Variants in SKP2 observed in about 807,000 individuals in gnomAD.
SKP2 encodes S-phase kinase associated protein 2.
Under a neutral mutation model 51.8 loss-of-function variants are expected in SKP2, and 16 were observed. The ratio of observed to expected loss-of-function variants is 0.31; its 90% CI spans 0.21 to 0.47. The LOEUF is 0.47. Among genes scored for constraint, SKP2 ranks in the 20% least tolerant of loss-of-function variants. The probability of loss-of-function intolerance (pLI) is 1.00; values close to 1 mark genes in which losing one functional copy is unlikely to be tolerated. For synonymous variants in SKP2, 176 were observed against 198.6 expected (o/e 0.89, Z 0.96); for missense variants, 377 against 505.3 (o/e 0.75, Z 2.43).
intron 7 of SKP2, among the ~76,000 whole-genome samples, chr5:36,173,731 G>A (rs1745546604): frequency 6.6e-6 from 1 of 152,164 alleles, no homozygotes; most frequent in Non-Finnish European, 1.5e-5. Flanking sequence ...TCAGGACAGA[G>A]AGACAGACTG....
At chr5:36,175,994 A>C (rs1745621212) in intron 7 of SKP2, among the ~76,000 whole-genome samples, 2 of 152,058 alleles carry the variant, frequency 1.3e-5, no homozygotes, top group African/African-American at 4.8e-5. Flanking sequence ...AGCAGGAATC[A>C]GTTCACTATC....
At chr5:36,157,022 A>T (rs534101518) in intron 2 of SKP2, among the ~76,000 whole-genome samples, 8 of 152,192 alleles carry the variant, frequency 5.3e-5, no homozygotes, top group Admixed American at 1.3e-4. Context: ...CCTTACTAAG[A>T]TATTTTCTAT....
downstream of SKP2, among the ~76,000 whole-genome samples, chr5:36,188,385 G>C (rs1457823715): frequency 6.6e-6 from 1 of 152,228 alleles, no homozygotes; most frequent in South Asian, 2.1e-4. Context: ...TCCTTTCCAT[G>C]TTTAGTGCTT....
intron 5 of SKP2, among the ~76,000 whole-genome samples, chr5:36,169,696 T>C (rs1255894654): frequency 6.6e-6 from 1 of 152,200 alleles, no homozygotes; most frequent in Non-Finnish European, 1.5e-5. Flanking sequence ...AGATAGTGAA[T>C]TTTGTAAATG....
At chr5:36,158,567 A>C (rs1745025216) in intron 2 of SKP2, among the ~76,000 whole-genome samples, 1 of 152,172 alleles carries the variant, frequency 6.6e-6, no homozygotes. Flanking sequence ...TGGTGAACCC[A>C]TTGATAGCAT....
chr5:36,171,857 C>CT lies in SKP2; in HGVS notation c.901+129dup. On this transcript the variant is annotated intron_variant, in intron 7 of 9. Coordinates refer to ENST00000274255, the MANE Select transcript of SKP2 (RefSeq NM_005983.4). ...TTAATCCAGTGCATGTGTTAGTCCC[C>CT]TTTTTCAGATGAGGTAGCTGCTAAT... The CT allele has an allele frequency of 3.3e-6, 3 of 904,404 alleles. No homozygotes were observed. In the South Asian group the frequency reaches 5.4e-5, roughly 16 times the overall value. 56.0% of individuals were successfully genotyped at this position (904,404 alleles called of 1,614,324 possible).
At chr5:36,171,545 G>C in intron 6 of SKP2, 58 bp from the exon 7 acceptor site, 1 of 1,534,520 alleles carries the variant, frequency 6.5e-7, no homozygotes, top group Non-Finnish European at 9.0e-7. Flanking sequence ...GCAGTTTGAG[G>C]CAAACTCATT....
Position 36,183,676 on chromosome 5 carries a change from T to G in SKP2, c.*1645T>G. ...ACACCAGTCATTTATATTAACTTTT[T>G]TTTTTTAAATCAAAAATTGTTAATG... On this transcript the variant is annotated 3_prime_UTR_variant, in exon 10 of 10. Coordinates refer to ENST00000274255, the MANE Select transcript of SKP2 (RefSeq NM_005983.4). 1 of 1,247,560 alleles carries G rather than the reference T, an allele frequency of 8.0e-7. No homozygotes were observed. Among genetic ancestry groups the G allele is most frequent in the Non-Finnish European group, 1.0e-6 (1 of 990,032 alleles). The allele number at this position is 1,247,560 out of a possible 1,614,324, so 77.3% of individuals were successfully genotyped here.
At chr5:36,163,887 A>AT (rs1745204394) in intron 3 of SKP2, 131 bp downstream of exon 3, 1 of 623,570 alleles carries the variant, frequency 1.6e-6, no homozygotes, top group African/African-American at 1.8e-5. Flanking sequence ...GTATCTTCAT[A>AT]TTTTTATTAA....
Position 36,183,676 on chromosome 5 carries a change from T to A in SKP2, c.*1645T>A, listed in dbSNP as rs1221777904. The A allele has an allele frequency of 8.0e-7, 1 of 1,247,442 alleles. No individual in the cohort carries two copies. Among genetic ancestry groups the A allele is most frequent in the Non-Finnish European group, 1.0e-6 (1 of 990,040 alleles). 77.3% of individuals were successfully genotyped at this position (1,247,442 alleles called of 1,614,324 possible). On this transcript the variant is annotated 3_prime_UTR_variant, in exon 10 of 10. Transcript: ENST00000274255. ...ACACCAGTCATTTATATTAACTTTTTTTTTTTAAATCAAAAATTGTTAATG... is the reference window on the plus strand; with the variant it reads ...ACACCAGTCATTTATATTAACTTTTATTTTTTAAATCAAAAATTGTTAATG...
At chr5:36,164,068 A>G (rs555492380) in intron 3 of SKP2, among the ~76,000 whole-genome samples, 2 of 152,182 alleles carry the variant, frequency 1.3e-5, no homozygotes, top group African/African-American at 2.4e-5. Context: ...GCATGCAGAC[A>G]GCGGTTCCTC....
At position 36,166,532 on chromosome 5, in the gene SKP2, C is replaced by T; in HGVS notation, c.406C>T (p.Leu136=). 1.2e-6 allele frequency: 2 copies of T among 1,614,076 alleles called. No homozygotes were observed. Among genetic ancestry groups the T allele is most frequent in the Non-Finnish European group, 1.7e-6 (2 of 1,179,984 alleles). ...CCTCTTTTATAGGTCTGATGAGTCTCTATGGCAGACCTTAGACCTCACAGG... is the reference window on the plus strand; with the variant it reads ...CCTCTTTTATAGGTCTGATGAGTCTTTATGGCAGACCTTAGACCTCACAGG... ...RWYRLASDES[L]WQTLDLTGKN... Residue 136 remains leucine, a synonymous_variant, in exon 4 of 10, where the codon CTA becomes TTA. Coordinates refer to ENST00000274255, the MANE Select transcript of SKP2 (RefSeq NM_005983.4).
At chr5:36,186,528 G>T (rs531448866), downstream of SKP2, among the ~76,000 whole-genome samples, 1,308 of 152,248 alleles carry the variant, frequency 8.6e-3, 25 homozygotes, top group African/African-American at 0.03. Flanking sequence ...TGTTGGTTCT[G>T]TTTATATGCT....
At chr5:36,192,019 T>C (rs1561048826) in intron 6 of SKP2, among the ~76,000 whole-genome samples, 1 of 152,202 alleles carries the variant, frequency 6.6e-6, no homozygotes, top group Non-Finnish European at 1.5e-5. Context: ...AATTGTAATT[T>C]TGAGCATTAA....
chr5:36,182,995 A>ATT lies in SKP2; in HGVS notation c.*973_*974dup. ...TCTGGAATCAAGTATTTTAAATTGT[A>ATT]TTTTTTTTTTAAATGATCTCTCAGC... On this transcript the variant is annotated 3_prime_UTR_variant, in exon 10 of 10. Transcript: ENST00000274255. 1 of 919,950 alleles carries ATT rather than the reference A, an allele frequency of 1.1e-6. No individual in the cohort carries two copies. The highest frequency in any genetic ancestry group is 1.3e-6 in the Non-Finnish European group (1 of 771,958). The allele number at this position is 919,950 out of a possible 1,614,324, so 57.0% of individuals were successfully genotyped here.
Position 36,181,878 on chromosome 5 carries a change from T to G in SKP2, c.1122T>G (p.Gly374=). The change falls in exon 10 of 10, where the codon GGT becomes GGG. Residue 374 remains glycine, a synonymous_variant. Transcript: ENST00000274255. The stretch of plus-strand genomic sequence containing the variant: ...AAGTTTTTGGAATCGTGCCAGATGG[T>G]ACCCTTCAACTGTTAAAGGAAGCCC... ...TLQVFGIVPD[G]TLQLLKEALP... is the part of the protein sequence containing the mutation. The G allele has an allele frequency of 6.2e-7, 1 of 1,614,078 alleles. No individual in the cohort carries two copies. Among genetic ancestry groups the G allele is most frequent in the Middle Eastern group, 1.6e-4 (1 of 6,062 alleles).
At chr5:36,158,292 A>G (rs3804440) in intron 2 of SKP2, among the ~76,000 whole-genome samples, 6,131 of 152,342 alleles carry the variant, frequency 0.04, 226 homozygotes, top group East Asian at 0.16. Flanking sequence ...TGAATTCAGG[A>G]AACAGATGGC....
At chr5:36,184,864 T>A (rs1462348146), downstream of SKP2, among the ~76,000 whole-genome samples, 4 of 152,234 alleles carry the variant, frequency 2.6e-5, no homozygotes, top group Admixed American at 2.6e-4. Flanking sequence ...GTTGTACCAG[T>A]TTACAGTCCC....
chr5:36,163,602 G>A (rs1255328689), intron 2 of SKP2, 43 bp from the exon 3 acceptor site: 1 of 1,190,456 alleles, frequency 8.4e-7, no homozygotes, highest in African/African-American at 1.5e-5. Flanking sequence ...GACTTGATAG[G>A]GTGAAAGAAT....
Sources: gnomAD v4.1 joint callset for allele counts (sites outside exome capture counted in the v4.1 genomes callset) on GRCh38, gnomAD v4.1.1 for gene constraint, MANE v1.5 for transcripts, NCBI Gene and HGNC (gene_info 2026-07-23, HGNC 2026-07-21) for gene names.